The following ZNF329 variants were observed in gnomAD, a reference collection of about 807,000 sequenced individuals.
ZNF329 encodes zinc finger protein 329.
Under a neutral mutation model 26.6 loss-of-function variants are expected in ZNF329, and 15 were observed. The ratio of observed to expected loss-of-function variants is 0.56; its 90% CI spans 0.38 to 0.87. The LOEUF (loss-of-function observed/expected upper bound fraction) is 0.87. Among genes scored for constraint, ZNF329 ranks in the 40% least tolerant of loss-of-function variants. ZNF329 has a pLI of 0.00. For missense variants in ZNF329, 651 were observed against 651.9 expected (o/e 1.00, Z 0.02); for synonymous variants, 239 against 233.5 (o/e 1.02, Z -0.21).
rs533229305 is a variant in ZNF329, at chr19:58,129,406, C to A, written c.98G>T (p.Ser33Ile). The A allele has an allele frequency of 5.6e-6, 9 of 1,614,212 alleles. No homozygotes were observed. The Admixed American group carries it at 1.2e-4, about 21-fold the overall frequency. The change falls in exon 4 of 4, where the codon AGT (serine) becomes ATT (isoleucine). Residue 33 changes from serine to isoleucine, a missense_variant. Physicochemically the swap from Ser to Ile is moderately radical, Grantham distance 142 (BLOSUM62 -2). Coordinates refer to ENST00000598312, the MANE Select transcript of ZNF329 (RefSeq NM_024620.4). ...CTCACAGTCCCAACCATCACCTAAA[C>A]TGGACAAGCAGGGAACTTCCCTTGT... is the stretch of plus-strand genomic sequence containing the variant. Reference protein sequence around the residue: ...RFTREVPCLSSLGDGWDCENQ... With the variant: ...RFTREVPCLSILGDGWDCENQ...
chr19:58,126,682 C>G lies in ZNF329; in HGVS notation c.*1196G>C, dbSNP rs892163605. ...TCAGTCTTTTTTTTTGAAATGGAGT[C>G]TCGCTCTGTCACCCAGGCTGGAGTG... On this transcript the variant is annotated 3_prime_UTR_variant, in exon 4 of 4. Coordinates refer to ENST00000598312, the MANE Select transcript of ZNF329 (RefSeq NM_024620.4). 2 of 152,112 alleles carry G rather than the reference C, an allele frequency of 1.3e-5. No individual in the cohort carries two copies. Among genetic ancestry groups the G allele is most frequent in the Admixed American group, 6.6e-5 (1 of 15,264 alleles). The allele number at this position is 152,112 out of a possible 1,614,324, so 9.4% of individuals were successfully genotyped here. A position where few individuals can be genotyped will look rare whatever the true frequency, so the allele number is the denominator to read the frequency against.
intron 1 of ZNF329, among the ~76,000 whole-genome samples, chr19:58,146,291 T>G (rs1160511658): frequency 6.6e-6 from 1 of 152,086 alleles, no homozygotes; most frequent in East Asian, 1.9e-4. Flanking sequence ...CTGGCCAACA[T>G]GGCGGAACCC....
At chr19:58,147,080 G>A (rs1301433717) in intron 1 of ZNF329, among the ~76,000 whole-genome samples, 4 of 150,374 alleles carry the variant, frequency 2.7e-5, no homozygotes, top group African/African-American at 7.4e-5. Flanking sequence ...GTCTCTGCCC[G>A]GCCGCCATCC....
At chr19:58,141,556 A>C (rs2075189069) in intron 3 of ZNF329, among the ~76,000 whole-genome samples, 1 of 151,986 alleles carries the variant, frequency 6.6e-6, no homozygotes, top group Admixed American at 6.5e-5. Flanking sequence ...TGGCCTCCCA[A>C]AGTGCTGCGA....
chr19:58,143,918 T>C (rs1022035705), intron 1 of ZNF329, among the ~76,000 whole-genome samples: 2 of 151,674 alleles, frequency 1.3e-5, no homozygotes, highest in Non-Finnish European at 2.9e-5. Context: ...CTGTCTCTAC[T>C]AGAAATACAA....
chr19:58,129,330 C>G lies in ZNF329; in HGVS notation c.174G>C (p.Gly58=). ...GATATTCACAAATTGCTTCCTGAGT[C>G]CCTGGTTTCTCCAGAGTTAAAGCTG... ...RQSALTLEKP[G]TQEAICEYPG... Residue 58 remains glycine (G), a synonymous_variant, in exon 4 of 4, where the codon GGG becomes GGC. Coordinates refer to ENST00000598312, the MANE Select transcript of ZNF329 (RefSeq NM_024620.4). 1.2e-6 allele frequency: 2 copies of G among 1,614,204 alleles called. No homozygotes were observed. The highest frequency in any genetic ancestry group is 1.7e-6 in the Non-Finnish European group (2 of 1,180,042).
chr19:58,132,845 C>T (rs938165147), intron 3 of ZNF329, among the ~76,000 whole-genome samples: 102 of 151,664 alleles, frequency 6.7e-4, no homozygotes, highest in African/African-American at 1.6e-3. Context: ...CAGAGTCTTG[C>T]ACTGTCACCC....
chr19:58,150,046 G>A (rs372808620), intron 1 of ZNF329, among the ~76,000 whole-genome samples: 17 of 152,148 alleles, frequency 1.1e-4, no homozygotes, highest in Admixed American at 4.6e-4. Flanking sequence ...GTCGTTCACT[G>A]CACAAGTCTT....
chr19:58,141,492 T>C (rs2075187010), intron 3 of ZNF329, among the ~76,000 whole-genome samples: 1 of 151,968 alleles, frequency 6.6e-6, no homozygotes, highest in Non-Finnish European at 1.5e-5. Context: ...ACGGGGTTTC[T>C]CCATGTTGGT....
At chr19:58,143,674 G>A (rs529705322) in intron 1 of ZNF329, among the ~76,000 whole-genome samples, 5 of 152,246 alleles carry the variant, frequency 3.3e-5, no homozygotes, top group South Asian at 4.1e-4. Context: ...AGTATATCTC[G>A]TGCTGTCTTT....
At chr19:58,147,490 T>C in intron 1 of ZNF329, among the ~76,000 whole-genome samples, 1 of 110,910 alleles carries the variant, frequency 9.0e-6, no homozygotes, top group African/African-American at 3.8e-5. Context: ...CAGCCGCCCC[T>C]ACTGGGAAGT....
At chr19:58,142,919 C>A (rs1266852426) in intron 2 of ZNF329, among the ~76,000 whole-genome samples, 186 bp downstream of exon 2, 1 of 152,204 alleles carries the variant, frequency 6.6e-6, no homozygotes, top group Non-Finnish European at 1.5e-5. Context: ...TCAAACTATG[C>A]AAGCCCCAAC....
chr19:58,142,884 T>C (rs2075218129), intron 2 of ZNF329, among the ~76,000 whole-genome samples: 1 of 152,090 alleles, frequency 6.6e-6, no homozygotes, highest in African/African-American at 2.4e-5. Flanking sequence ...GTCTGGGAGT[T>C]TCCTCCTTGG....
At chr19:58,134,366 G>A (rs1455337797) in intron 3 of ZNF329, among the ~76,000 whole-genome samples, 2 of 152,060 alleles carry the variant, frequency 1.3e-5, no homozygotes, top group Non-Finnish European at 2.9e-5. Flanking sequence ...GTAAAAAACA[G>A]CACAAAAAGG....
upstream of ZNF329, among the ~76,000 whole-genome samples, chr19:58,151,198 C>A (rs568675061): frequency 2.6e-5 from 4 of 152,162 alleles, no homozygotes; most frequent in South Asian, 6.2e-4. Flanking sequence ...GTAAACAAAG[C>A]CAGTAACTTT....
At chr19:58,132,146 C>T (rs776568978) in intron 3 of ZNF329, 2 of 152,084 alleles carry the variant, frequency 1.3e-5, no homozygotes, top group East Asian at 1.9e-4. Flanking sequence ...ACACATTTCA[C>T]GTGAGTAAAA....
At chr19:58,153,745 G>C (rs2075497160), upstream of ZNF329, among the ~76,000 whole-genome samples, 1 of 151,856 alleles carries the variant, frequency 6.6e-6, no homozygotes. Flanking sequence ...GTCTTGCTTT[G>C]CTGTCCAGGA....
chr19:58,152,779 TC>T (rs2075480646), upstream of ZNF329, among the ~76,000 whole-genome samples: 1 of 151,842 alleles, frequency 6.6e-6, no homozygotes, highest in South Asian at 2.1e-4. Flanking sequence ...ATTGCCTGAA[TC>T]CTGGAGGCGG....
chr19:58,149,118 T>G (rs1484189713), intron 1 of ZNF329, among the ~76,000 whole-genome samples: 1 of 152,174 alleles, frequency 6.6e-6, no homozygotes, highest in Non-Finnish European at 1.5e-5. Context: ...GCAACGAGAG[T>G]GACCTCTGGT....
Sources: allele counts gnomAD v4.1 joint callset (sites outside exome capture counted in the v4.1 genomes callset), GRCh38; gene constraint gnomAD v4.1.1; transcripts MANE v1.5; gene names NCBI Gene and HGNC (gene_info 2026-07-23, HGNC 2026-07-21).